The following FUBP1 variants were observed in gnomAD, a reference collection of about 807,000 sequenced individuals.
FUBP1 encodes the protein far upstream element binding protein 1.
FUBP1 carries 16 observed loss-of-function variants against 94.9 expected under a neutral mutation model. The ratio of observed to expected loss-of-function variants is 0.17; its 90% CI spans 0.11 to 0.26. FUBP1 has a LOEUF of 0.26. Among genes scored for constraint, FUBP1 ranks in the 10% least tolerant of loss-of-function variants. The probability of loss-of-function intolerance (pLI) is 1.00; values close to 1 mark genes in which losing one functional copy is unlikely to be tolerated. For synonymous variants in FUBP1, 279 were observed against 254.9 expected, an observed-to-expected ratio of 1.09 and a Z score of -0.90; for missense variants, 583 against 808.6, an observed-to-expected ratio of 0.72 and a Z score of 3.38.
rs1379301742 is a variant in FUBP1 at position 77,965,189 on chromosome 1, T to G, written c.516A>C (p.Arg172Ser). 6.2e-7 allele frequency: 1 copy of G among 1,610,506 alleles called. No homozygotes were observed. The highest frequency in any genetic ancestry group is 1.3e-5 in the African/African-American group (1 of 74,866). ...RLLDQIVEKG[R>S]PAPGFHHGDG... is the part of the protein sequence containing the mutation. Reference sequence around the variant, plus strand: ...CGCCATGATGGAAGCCAGGAGCTGGTCTTCCTTTTTCAACAATCTGGTCCA... The same window carrying G: ...CGCCATGATGGAAGCCAGGAGCTGGGCTTCCTTTTTCAACAATCTGGTCCA... Residue 172 changes from arginine (R) to serine (S), a missense_variant, in exon 8 of 20, where the codon AGA (arginine) becomes AGC (serine). By Grantham distance (110) the Arg-to-Ser change is moderately radical (BLOSUM62 -1). Coordinates refer to ENST00000370768, the MANE Select transcript of FUBP1 (RefSeq NM_003902.5).
At chr1:77,976,399 T>C (rs1422758472) in intron 1 of FUBP1, among the ~76,000 whole-genome samples, 4 of 152,340 alleles carry the variant, frequency 2.6e-5, no homozygotes, top group East Asian at 3.9e-4. Context: ...GGACAACTGA[T>C]CTATTAGCAT....
rs2102454614 is a variant in FUBP1, at chr1:77,969,978, A to T, written c.158T>A (p.Leu53Gln). ...CCCATAACCATAGTCATTTGAATTC[A>T]GTGATGTCCCTGCATCACCTCCAAT... The part of the protein sequence containing the change: ...AKIGGDAGTS[L>Q]NSNDYGYGGQ... The change falls in exon 2 of 20, where the codon CTG (leucine) becomes CAG (glutamine). Residue 53 changes from leucine to glutamine, a missense_variant. Coordinates refer to ENST00000370768, the MANE Select transcript of FUBP1 (RefSeq NM_003902.5). The T allele has an allele frequency of 6.3e-7, 1 of 1,595,222 alleles. No individual in the cohort carries two copies. The highest frequency in any genetic ancestry group is 8.6e-7 in the Non-Finnish European group (1 of 1,167,276).
At chr1:77,953,011 C>T (rs1653788324) in intron 18 of FUBP1, among the ~76,000 whole-genome samples, 2 of 151,770 alleles carry the variant, frequency 1.3e-5, no homozygotes, top group Middle Eastern at 3.2e-3. Context: ...GGTTGGGCGC[C>T]TGTAATCCCA....
chr1:77,950,068 A>G (rs1326231435), intron 18 of FUBP1, among the ~76,000 whole-genome samples: 1 of 152,254 alleles, frequency 6.6e-6, no homozygotes, highest in Non-Finnish European at 1.5e-5. Flanking sequence ...TGAATCTTGA[A>G]TGTACTCTGA....
At chr1:77,970,559 A>G (rs1391867964) in intron 1 of FUBP1, among the ~76,000 whole-genome samples, 3 of 152,232 alleles carry the variant, frequency 2.0e-5, no homozygotes, top group African/African-American at 7.2e-5. Flanking sequence ...AATATTTTGG[A>G]TATGCTGGGT....
chr1:77,965,254 A>G lies in FUBP1; in HGVS notation c.474-23T>C, dbSNP rs200032319. On this transcript the variant is annotated intron_variant, in intron 7 of 19. Transcript: ENST00000370768. ...GACCTGTTAACAAATTAATATTTAA[A>G]TAGTAAGCTGTAGCATACCCAAGCT... 1.8e-4 allele frequency: 279 copies of G among 1,553,238 alleles called. 1 individual carries two copies. In the Middle Eastern group the frequency reaches 3.2e-3, roughly 18 times the overall value.
At chr1:77,948,978 T>C in intron 19 of FUBP1, 177 bp downstream of exon 19, 1 of 902,288 alleles carries the variant, frequency 1.1e-6, no homozygotes, top group East Asian at 2.6e-5. Flanking sequence ...ACTCAGATGC[T>C]GGAAAGCATT....
intron 12 of FUBP1, 82 bp from the exon 13 acceptor site, chr1:77,963,797 C>T (rs1364890593): frequency 1.7e-6 from 2 of 1,184,894 alleles, no homozygotes; most frequent in East Asian, 2.5e-5. Context: ...TTTATTTTTC[C>T]CAGCTCTCAT....
At position 77,963,598 on chromosome 1, in the gene FUBP1, TC is replaced by T; in HGVS notation, c.1158del (p.Thr388LeufsTer3). Reference protein sequence around the residue: ...LQEFNFIVPTGKTGLIIGKGG... With the variant: ...LQEFNFIVPTXKTGLIIGKGG... ...CCTTTTCCTATTATTAATCCAGTTTTCCCAGTTGGCACAATAAAATTAAATT... is the reference window on the plus strand; with the variant it reads ...CCTTTTCCTATTATTAATCCAGTTTTCCAGTTGGCACAATAAAATTAAATT... On this transcript the variant is annotated frameshift_variant, in exon 13 of 20. Coordinates refer to ENST00000370768, the MANE Select transcript of FUBP1 (RefSeq NM_003902.5). LOFTEE classifies it high-confidence loss of function. 1 of 1,590,514 alleles carries T rather than the reference TC, an allele frequency of 6.3e-7. No homozygotes were observed. The highest frequency in any genetic ancestry group is 8.6e-7 in the Non-Finnish European group (1 of 1,158,796).
chr1:77,975,775 T>A (rs1658480229), intron 1 of FUBP1, among the ~76,000 whole-genome samples: 2 of 152,154 alleles, frequency 1.3e-5, no homozygotes. Flanking sequence ...ATTTCTTAAG[T>A]GCACAGGCTG....
chr1:77,952,574 T>A, intron 18 of FUBP1, among the ~76,000 whole-genome samples: 1 of 152,216 alleles, frequency 6.6e-6, no homozygotes. Context: ...CAACAACAGT[T>A]GGCTTTGAGA....
chr1:77,966,657 G>A, intron 7 of FUBP1, 37 bp downstream of exon 7: 1 of 1,002,542 alleles, frequency 1.0e-6, no homozygotes, highest in Non-Finnish European at 1.6e-6. Flanking sequence ...TTCTGCTGTT[G>A]TTACTTAAGT....
In FUBP1 at chr1:77,947,454, G is replaced by T; in HGVS notation, c.*1312C>A. 1.1e-6 allele frequency: 1 copy of T among 869,682 alleles called. No homozygotes were observed. Among genetic ancestry groups the T allele is most frequent in the East Asian group, 4.0e-5 (1 of 25,112 alleles). 53.9% of individuals were successfully genotyped at this position (869,682 alleles called of 1,614,324 possible). The stretch of plus-strand genomic sequence containing the variant: ...AATTTGTCATTCTGATGTACTTACA[G>T]TGCAATGCTCCTTGAAGGAACACAA... On this transcript the variant is annotated 3_prime_UTR_variant, in exon 20 of 20. Coordinates refer to ENST00000370768, the MANE Select transcript of FUBP1 (RefSeq NM_003902.5).
At chr1:77,953,737 A>G (rs905847961) in intron 18 of FUBP1, among the ~76,000 whole-genome samples, 1 of 152,168 alleles carries the variant, frequency 6.6e-6, no homozygotes, top group Admixed American at 6.5e-5. Context: ...TTCCCTTAAC[A>G]ATAAAAATTA....
At chr1:77,969,457 A>G (rs1455081940) in intron 2 of FUBP1, among the ~76,000 whole-genome samples, 1 of 134,160 alleles carries the variant, frequency 7.5e-6, no homozygotes, top group African/African-American at 2.9e-5. Context: ...AAAGAACATT[A>G]AAAAAAAAAT....
intron 1 of FUBP1, among the ~76,000 whole-genome samples, chr1:77,976,525 C>T (rs568004029): frequency 2.0e-5 from 3 of 151,006 alleles, no homozygotes; most frequent in Non-Finnish European, 4.4e-5. Context: ...GACAGGGTCT[C>T]GCTCTATGAC....
chr1:77,964,621 T>C (rs773054434), intron 10 of FUBP1, 25 bp downstream of exon 10: 2 of 1,250,024 alleles, frequency 1.6e-6, no homozygotes, highest in Admixed American at 3.4e-5. Context: ...CATACAACCA[T>C]TTCTGAATGG....
chr1:77,963,710 A>G lies in FUBP1; in HGVS notation c.1047T>C (p.Gly349=). 5.0e-6 allele frequency: 8 copies of G among 1,610,866 alleles called. No homozygotes were observed. Among genetic ancestry groups the G allele is most frequent in the Non-Finnish European group, 6.8e-6 (8 of 1,178,100 alleles). Residue 349 remains glycine (G), a synonymous_variant, in exon 13 of 20, where the codon GGT becomes GGC. Transcript: ENST00000370768. ...ITDLLRSVQA[G]NPGGPGPGGR... is the part of the protein sequence containing the mutation. ...CACCAGGTCCAGGTCCACCAGGATT[A>G]CCAGCCTATAGAGAGGGAAAGACAA...
chr1:77,971,989 C>T (rs1347886912), intron 1 of FUBP1, among the ~76,000 whole-genome samples: 8 of 134,080 alleles, frequency 6.0e-5, no homozygotes, highest in Non-Finnish European at 1.2e-4. Flanking sequence ...TGGGCAACGG[C>T]ATGAGACTCT....
Sources: allele counts gnomAD v4.1 joint callset (sites outside exome capture counted in the v4.1 genomes callset), GRCh38; gene constraint gnomAD v4.1.1; transcripts MANE v1.5; gene names NCBI Gene and HGNC (gene_info 2026-07-23, HGNC 2026-07-21).